Variants in CRX observed in about 807,000 individuals in gnomAD.
The protein encoded by CRX is cone-rod homeobox protein.
CRX carries 5 observed loss-of-function variants against 13.1 expected under a neutral mutation model. The observed-to-expected ratio is 0.38, with a 90% CI of 0.20 to 0.80. The LOEUF is 0.80. Among genes scored for constraint, CRX ranks in the 30% least tolerant of loss-of-function variants. CRX has a pLI of 0.43. For synonymous variants in CRX, 179 were observed against 171.1 expected (o/e 1.05, Z -0.36); for missense variants, 351 against 391.8 (o/e 0.90, Z 0.88).
chr19:47,835,736 C>T (rs1291867156), intron 2 of CRX, among the ~76,000 whole-genome samples: 3 of 151,620 alleles, frequency 2.0e-5, no homozygotes, highest in Non-Finnish European at 4.4e-5. Flanking sequence ...ATTCTCCTCC[C>T]TCAGCCTCCC....
At chr19:47,831,900 G>T (rs915782740) in intron 1 of CRX, among the ~76,000 whole-genome samples, 1 of 151,188 alleles carries the variant, frequency 6.6e-6, no homozygotes, top group African/African-American at 2.4e-5. Flanking sequence ...CTGCCACCAC[G>T]CCCGGATAAT....
At chr19:47,834,072 C>T (rs578190501) in intron 1 of CRX, among the ~76,000 whole-genome samples, 1 of 151,770 alleles carries the variant, frequency 6.6e-6, no homozygotes, top group Non-Finnish European at 1.5e-5. Flanking sequence ...CTCAAGTGAT[C>T]CTCCCGCCTT....
At chr19:47,823,365 C>G (rs1390279510) in intron 1 of CRX, among the ~76,000 whole-genome samples, 1 of 152,150 alleles carries the variant, frequency 6.6e-6, no homozygotes, top group Non-Finnish European at 1.5e-5. Context: ...AGAGTGAGGT[C>G]CGACTTCAGG....
chr19:47,832,678 G>C (rs976667456), intron 1 of CRX, among the ~76,000 whole-genome samples: 3 of 151,474 alleles, frequency 2.0e-5, no homozygotes, highest in Admixed American at 1.3e-4. Context: ...TAGAGACGGG[G>C]TTTCACCATG....
Position 47,830,081 on chromosome 19 carries a change from G to T in CRX, c.-35-4328G>T, listed in dbSNP as rs532457567. Among the ~76,000 whole-genome samples, 169 of 149,656 alleles carry T rather than the reference G, an allele frequency of 1.1e-3. No individual in the cohort carries two copies. In the Middle Eastern group the frequency reaches 0.021, roughly 19 times the overall value. Reference sequence around the variant, plus strand: ...AAATAATAATAAATATATATGGTTTGGTCATATACAATATATAAAATAACA... The same window carrying T: ...AAATAATAATAAATATATATGGTTTTGTCATATACAATATATAAAATAACA... On this transcript the variant is annotated intron_variant, in intron 1 of 3. Transcript: ENST00000221996.
At chr19:47,828,421 C>T (rs1398674987) in intron 1 of CRX, among the ~76,000 whole-genome samples, 1 of 152,062 alleles carries the variant, frequency 6.6e-6, no homozygotes, top group Non-Finnish European at 1.5e-5. Flanking sequence ...TCACAATAAA[C>T]ACCATCCATT....
At chr19:47,838,754 T>C (rs62128804) in intron 3 of CRX, among the ~76,000 whole-genome samples, 24,264 of 151,372 alleles carry the variant, frequency 0.16, 1,897 homozygotes, top group Non-Finnish European at 0.17. Context: ...ATGTGTATGA[T>C]GTATGTATGA....
rs1968196670 is a variant in CRX at position 47,841,523 on chromosome 19, AT to A, written c.*1559del. On this transcript the variant is annotated 3_prime_UTR_variant, in exon 4 of 4. Transcript: ENST00000221996. ...AAGAGATAGGAAGAGGGGGAAATAG[AT>A]TTGGAGGAGGCAGCCCTACATTTCA... 6.6e-6 allele frequency: 1 copy of A among 150,998 alleles called. No individual in the cohort carries two copies. The highest frequency in any genetic ancestry group is 1.5e-5 in the Non-Finnish European group (1 of 67,838). The allele number at this position is 150,998 out of a possible 1,614,324, so 9.4% of individuals were successfully genotyped here. A position where few individuals can be genotyped will look rare whatever the true frequency, so the allele number is the denominator to read the frequency against.
intron 1 of CRX, among the ~76,000 whole-genome samples, chr19:47,829,029 C>T (rs1451706267): frequency 1.3e-5 from 2 of 151,956 alleles, no homozygotes; most frequent in East Asian, 3.9e-4. Flanking sequence ...AGCTTGCTTC[C>T]TTCCTGGGAA....
chr19:47,835,788 A>AT (rs936345886), intron 2 of CRX, among the ~76,000 whole-genome samples: 12 of 151,456 alleles, frequency 7.9e-5, no homozygotes, highest in Non-Finnish European at 1.5e-5. Flanking sequence ...CACCTGGCTA[A>AT]TTTTTTGTAT....
In CRX at chr19:47,839,914, A is replaced by T. The variant is rs1175719007; in HGVS notation, c.847A>T (p.Met283Leu). Reference sequence around the variant, plus strand: ...CACCTGGAAATTCACCTACAATCCCATGGACCCTCTGGACTACAAGGATCA... The same window carrying T: ...CACCTGGAAATTCACCTACAATCCCTTGGACCCTCTGGACTACAAGGATCA... ...TGTWKFTYNP[M>L]DPLDYKDQSA... is the part of the protein sequence containing the mutation. Residue 283 changes from methionine to leucine, a missense_variant, in exon 4 of 4, where the codon ATG (methionine) becomes TTG (leucine). Around this residue, in one of 3 missense-constraint regions of CRX, gnomAD observed 253 missense variants for 268.3 expected, o/e 0.94. Coordinates refer to ENST00000221996, the MANE Select transcript of CRX (RefSeq NM_000554.6). The surrounding 1 kb of genome is among the most constrained non-coding windows in gnomAD (Gnocchi z 4.6). 6.2e-7 allele frequency: 1 copy of T among 1,614,016 alleles called. No homozygotes were observed. Among genetic ancestry groups the T allele is most frequent in the East Asian group, 2.2e-5 (1 of 44,852 alleles).
intron 1 of CRX, among the ~76,000 whole-genome samples, chr19:47,828,753 G>A (rs1968007435): frequency 6.6e-6 from 1 of 151,884 alleles, no homozygotes; most frequent in Non-Finnish European, 1.5e-5. Flanking sequence ...CCTAGCCCAG[G>A]AAACGGCTTA....
Position 47,839,081 on chromosome 19 carries a change from TAGAC to T in CRX, c.253-238_253-235del, listed in dbSNP as rs370239486. On this transcript the variant is annotated intron_variant, in intron 3 of 3. Transcript: ENST00000221996. The surrounding 1 kb of genome is among the most constrained non-coding windows in gnomAD (Gnocchi z 4.6). ...TAATTGTACGTGTGCATGTTTGCAT[TAGAC>T]GGATGGGATGAATGCACATGGGTAT... 1.3e-5 allele frequency among the ~76,000 whole-genome samples: 2 copies of T among 152,176 alleles called. No homozygotes were observed. The highest frequency in any genetic ancestry group is 4.8e-5 in the African/African-American group (2 of 41,508).
In CRX at chr19:47,834,404, T is replaced by C. The variant is rs993700377; in HGVS notation, c.-35-5T>C. On this transcript the variant is annotated splice_polypyrimidine_tract_variant and splice_region_variant and intron_variant, in intron 1 of 3. Transcript: ENST00000221996. The stretch of plus-strand genomic sequence containing the variant: ...TGAGTGAGCATCCCTCCTCTTCTCT[T>C]GCAGGCCCCCTGACTTGGGCCTCAG... 1.4e-6 allele frequency: 2 copies of C among 1,471,052 alleles called. No homozygotes were observed. The highest frequency in any genetic ancestry group is 1.9e-6 in the Non-Finnish European group (2 of 1,049,624). The allele number at this position is 1,471,052 out of a possible 1,614,324, so 91.1% of individuals were successfully genotyped here. A position where few individuals can be genotyped will look rare whatever the true frequency, so the allele number is the denominator to read the frequency against.
rs1968157150 is a variant in CRX, at chr19:47,839,111, G to A, written c.253-209G>A. On this transcript the variant is annotated intron_variant, in intron 3 of 3. Coordinates refer to ENST00000221996, the MANE Select transcript of CRX (RefSeq NM_000554.6). This position sits in a 1 kb window ranked among gnomAD's most constrained non-coding sequence, Gnocchi z 4.6. ...GGATGGGATGAATGCACATGGGTAT[G>A]ATGTATGCATGTGTTCATGCACACA... Among the ~76,000 whole-genome samples the A allele has an allele frequency of 6.6e-6, 1 of 152,060 alleles. No homozygotes were observed. Among genetic ancestry groups the A allele is most frequent in the Admixed American group, 6.5e-5 (1 of 15,280 alleles).
Position 47,832,822 on chromosome 19 carries a change from C to T in CRX, c.-35-1587C>T, listed in dbSNP as rs553800955. 3.9e-5 allele frequency among the ~76,000 whole-genome samples: 6 copies of T among 151,906 alleles called. No homozygotes were observed. In the East Asian group the frequency reaches 5.9e-4, roughly 15 times the overall value. Reference sequence around the variant, plus strand: ...TTTTCATTCCCATTTTCCAACAAGGCGACTGAGGTATACATTGAAGGTGAA... The same window carrying T: ...TTTTCATTCCCATTTTCCAACAAGGTGACTGAGGTATACATTGAAGGTGAA... On this transcript the variant is annotated intron_variant, in intron 1 of 3. Coordinates refer to ENST00000221996, the MANE Select transcript of CRX (RefSeq NM_000554.6).
rs771721958 is a variant in CRX at position 47,839,919 on chromosome 19, C to T, written c.852C>T (p.Asp284=). The change falls in exon 4 of 4, where the codon GAC becomes GAT. Residue 284 remains aspartate, a synonymous_variant. Coordinates refer to ENST00000221996, the MANE Select transcript of CRX (RefSeq NM_000554.6). This position sits in a 1 kb window ranked among gnomAD's most constrained non-coding sequence, Gnocchi z 4.6. ...GGAAATTCACCTACAATCCCATGGACCCTCTGGACTACAAGGATCAGAGTG... is the reference window on the plus strand; with the variant it reads ...GGAAATTCACCTACAATCCCATGGATCCTCTGGACTACAAGGATCAGAGTG... ...GTWKFTYNPM[D]PLDYKDQSAW... 6.2e-7 allele frequency: 1 copy of T among 1,614,068 alleles called. No individual in the cohort carries two copies. Among genetic ancestry groups the T allele is most frequent in the Non-Finnish European group, 8.5e-7 (1 of 1,180,022 alleles).
chr19:47,840,938 C>G lies in CRX; in HGVS notation c.*971C>G, dbSNP rs1279305929. 1 of 148,076 alleles carries G rather than the reference C, an allele frequency of 6.8e-6. No individual in the cohort carries two copies. The highest frequency in any genetic ancestry group is 2.2e-4 in the South Asian group (1 of 4,632). 9.2% of individuals were successfully genotyped at this position (148,076 alleles called of 1,614,324 possible). A position where few individuals can be genotyped will look rare whatever the true frequency, so the allele number is the denominator to read the frequency against. ...CATGTTGGCCAGGCTGGTCTGGAACCCCTGACCTCAAGTGATCCGCCTGCC... is the reference window on the plus strand; with the variant it reads ...CATGTTGGCCAGGCTGGTCTGGAACGCCTGACCTCAAGTGATCCGCCTGCC... On this transcript the variant is annotated 3_prime_UTR_variant, in exon 4 of 4. Transcript: ENST00000221996.
chr19:47,823,313 G>A (rs149880934), intron 1 of CRX, among the ~76,000 whole-genome samples: 1 of 152,234 alleles, frequency 6.6e-6, no homozygotes, highest in Non-Finnish European at 1.5e-5. Context: ...GAGGTGTGAT[G>A]CGGTTTTCCC....
Sources: allele counts gnomAD v4.1 joint callset (sites outside exome capture counted in the v4.1 genomes callset), GRCh38; gene constraint gnomAD v4.1.1; regional missense constraint gnomAD v4.1.1; non-coding constraint Gnocchi (gnomAD v3.1); transcripts MANE v1.5; gene names NCBI Gene and HGNC (gene_info 2026-07-23, HGNC 2026-07-21).